LRP1B: variants seen among roughly 807,000 people sequenced by gnomAD.
The protein encoded by LRP1B is LDL receptor related protein 1B, also known as low-density lipoprotein receptor-related protein 1B.
LRP1B carries 217 observed loss-of-function variants against 556.6 expected under a neutral mutation model. That is an observed-to-expected ratio of 0.39 (90% CI 0.35 to 0.44). LRP1B has a LOEUF of 0.44. Among genes scored for constraint, LRP1B ranks in the 20% least tolerant of loss-of-function variants. The pLI is 1.00. For missense variants in LRP1B, 5,053 were observed against 5,620.8 expected (o/e 0.90, Z 3.23); for synonymous variants, 2,047 against 1,865.8 (o/e 1.10, Z -2.50).
Position 140,444,538 on chromosome 2 carries a change from ATTAGTTAGGAATTTAATCACCTACCACAG to A in LRP1B, c.10170_10174+24del. On this transcript the variant is annotated splice_donor_variant and splice_donor_5th_base_variant and coding_sequence_variant and intron_variant, in exon 64 of 91. Transcript: ENST00000389484. LOFTEE classifies it high-confidence loss of function. ...TCAGTTGAAAATTAGACTTATGTTC[ATTAGTTAGGAATTTAATCACCTACCACAG>A]TTGAGTTCATCAGAATTGTCTCCAC... 6.2e-7 allele frequency: 1 copy of A among 1,611,724 alleles called. No homozygotes were observed. Among genetic ancestry groups the A allele is most frequent in the Non-Finnish European group, 8.5e-7 (1 of 1,177,972 alleles).
intron 12 of LRP1B, among the ~76,000 whole-genome samples, chr2:141,019,199 A>G (rs1697996264): frequency 6.6e-6 from 1 of 152,112 alleles, no homozygotes; most frequent in Admixed American, 6.6e-5. Context: ...ACATATTACC[A>G]AGAATTGGAC....
In LRP1B at chr2:140,356,439, T is replaced by C; in HGVS notation, c.11433A>G (p.Pro3811=). The stretch of plus-strand genomic sequence containing the variant: ...GATTACAATATGCATCATCTCCACA[T>C]GGATTCACATTATCTTCACAGGTAT... ...TEYTCEDNVN[P]CGDDAYCNQI... Residue 3811 remains proline, a synonymous_variant, in exon 75 of 91, where the codon CCA becomes CCG. Transcript: ENST00000389484. The C allele has an allele frequency of 6.2e-7, 1 of 1,607,436 alleles. No homozygotes were observed.
At chr2:141,559,672 G>T (rs1322832408) in intron 2 of LRP1B, among the ~76,000 whole-genome samples, 2 of 151,582 alleles carry the variant, frequency 1.3e-5, no homozygotes, top group Non-Finnish European at 3.0e-5. Flanking sequence ...CCAGCACCAT[G>T]CATTGAATAT....
chr2:140,514,433 G>T (rs1002989682), intron 51 of LRP1B, among the ~76,000 whole-genome samples: 1 of 151,392 alleles, frequency 6.6e-6, no homozygotes, highest in Non-Finnish European at 1.5e-5. Context: ...CATTTGTTGT[G>T]GCAATATTAA....
intron 41 of LRP1B, among the ~76,000 whole-genome samples, chr2:140,624,024 G>C (rs1249961343): frequency 7.3e-6 from 1 of 136,456 alleles, no homozygotes; most frequent in Admixed American, 8.0e-5. Context: ...AAAAGTTTTA[G>C]AAACTAGCAA....
chr2:141,954,276 A>G (rs903374681), intron 1 of LRP1B, among the ~76,000 whole-genome samples: 1 of 152,126 alleles, frequency 6.6e-6, no homozygotes, highest in Non-Finnish European at 1.5e-5. Flanking sequence ...TTGGCTTCAC[A>G]TGAAGCTGGA....
intron 3 of LRP1B, among the ~76,000 whole-genome samples, chr2:141,334,351 C>T (rs977676993): frequency 5.3e-5 from 8 of 152,204 alleles, no homozygotes; most frequent in African/African-American, 1.7e-4. Context: ...GCACCTTCCC[C>T]ACTTCCTCCT....
chr2:140,476,023 A>G (rs16844083), intron 59 of LRP1B, among the ~76,000 whole-genome samples: 7,296 of 152,006 alleles, frequency 0.048, 214 homozygotes, highest in African/African-American at 0.052. Context: ...GGACAGTTCC[A>G]AAAGTGGGGA....
At position 141,275,669 on chromosome 2, in the gene LRP1B, C is replaced by T. The variant is rs192020447; in HGVS notation, c.344-21028G>A. ...TTGACGCTGCAGTAAGCCATAATTG[C>T]GCCACTGCACTCTAGGATGGATGAC... is the stretch of plus-strand genomic sequence containing the variant. On this transcript the variant is annotated intron_variant, in intron 3 of 90. Coordinates refer to ENST00000389484, the MANE Select transcript of LRP1B (RefSeq NM_018557.3). Among the ~76,000 whole-genome samples the T allele has an allele frequency of 7.9e-5, 12 of 152,120 alleles. 1 individual carries two copies. Among genetic ancestry groups the T allele is most frequent in the East Asian group, 3.9e-4 (2 of 5,176 alleles).
intron 86 of LRP1B, among the ~76,000 whole-genome samples, chr2:140,264,496 C>T (rs938940277): frequency 3.3e-5 from 5 of 152,014 alleles, no homozygotes; most frequent in Admixed American, 6.6e-5. Context: ...TCAAGTGATC[C>T]GCCCACCTCG....
In LRP1B at chr2:141,857,632, C is replaced by T. The variant is rs1470962414; in HGVS notation, c.83-47231G>A. ...GATTACAGGCATGAGCCACAGCACC[C>T]GACCCCTCTCCATTTTAGAAAACTG... On this transcript the variant is annotated intron_variant, in intron 1 of 90. Coordinates refer to ENST00000389484, the MANE Select transcript of LRP1B (RefSeq NM_018557.3). Among the ~76,000 whole-genome samples the T allele has an allele frequency of 5.9e-5, 9 of 152,144 alleles. No individual in the cohort carries two copies. In the South Asian group the frequency reaches 1.7e-3, roughly 28 times the overall value.
chr2:141,056,687 C>G (rs1188494893), intron 9 of LRP1B, among the ~76,000 whole-genome samples: 1 of 151,768 alleles, frequency 6.6e-6, no homozygotes, highest in African/African-American at 2.4e-5. Context: ...ATTTGGAATG[C>G]TTATTTCTCC....
At chr2:140,666,324 A>T (rs202069144) in intron 41 of LRP1B, among the ~76,000 whole-genome samples, 2 of 145,732 alleles carry the variant, frequency 1.4e-5, no homozygotes, top group Non-Finnish European at 3.0e-5. Flanking sequence ...ACACACACAC[A>T]CACACACCAC....
rs10439173 is a variant in LRP1B at position 140,694,040 on chromosome 2, G to A, written c.6799+6210C>T. Among the ~76,000 whole-genome samples, 728 of 152,164 alleles carry A rather than the reference G, an allele frequency of 4.8e-3. 2 individuals are homozygous for A. Among genetic ancestry groups the A allele is most frequent in the African/African-American group, 0.017 (692 of 41,528 alleles). ...ATTTCTCGATTAGTCATTGGATGTA[G>A]GGACACCATTTGAATTTATATTAAG... On this transcript the variant is annotated intron_variant, in intron 41 of 90. Coordinates refer to ENST00000389484, the MANE Select transcript of LRP1B (RefSeq NM_018557.3).
chr2:141,402,177 G>C (rs948368963), intron 3 of LRP1B, among the ~76,000 whole-genome samples: 1 of 151,984 alleles, frequency 6.6e-6, no homozygotes, highest in Non-Finnish European at 1.5e-5. Context: ...ATCAAATAAG[G>C]TTGGCCTCAT....
intron 3 of LRP1B, among the ~76,000 whole-genome samples, chr2:141,349,785 G>A (rs1222792456): frequency 2.0e-5 from 3 of 152,110 alleles, no homozygotes; most frequent in Non-Finnish European, 4.4e-5. Context: ...AGATATGTAC[G>A]TCCTTAAAAC....
intron 2 of LRP1B, among the ~76,000 whole-genome samples, chr2:141,667,405 T>C (rs1177039309): frequency 3.3e-5 from 5 of 152,156 alleles, no homozygotes; most frequent in Admixed American, 1.3e-4. Flanking sequence ...AAAGAAAATA[T>C]ACCACTTCCA....
chr2:140,428,812 A>G (rs1685781663), intron 66 of LRP1B, among the ~76,000 whole-genome samples: 2 of 152,116 alleles, frequency 1.3e-5, no homozygotes, highest in Admixed American at 1.3e-4. Context: ...AAACCTCTTT[A>G]AACTCCACAA....
chr2:140,594,185 G>T (rs1682341989), intron 43 of LRP1B, among the ~76,000 whole-genome samples: 1 of 152,196 alleles, frequency 6.6e-6, no homozygotes. Flanking sequence ...GGTCAGGCTG[G>T]TCTCGAACTC....
Sources: gnomAD v4.1 joint callset for allele counts (sites outside exome capture counted in the v4.1 genomes callset) on GRCh38, gnomAD v4.1.1 for gene constraint, MANE v1.5 for transcripts, NCBI Gene and HGNC (gene_info 2026-07-23, HGNC 2026-07-21) for gene names.